Variants in VWA3B observed in about 807,000 individuals in gnomAD.
The protein encoded by VWA3B is von Willebrand factor A domain-containing protein 3B.
A neutral mutation model predicts 158.3 loss-of-function variants in VWA3B; 138 were observed. The observed-to-expected ratio is 0.87, with a 90% CI of 0.76 to 1.00. The LOEUF (loss-of-function observed/expected upper bound fraction) is 1.00. Among genes scored for constraint, VWA3B ranks in the 50% least tolerant of loss-of-function variants. The pLI, the probability that VWA3B is intolerant of heterozygous loss-of-function variation, is 0.00. For synonymous variants in VWA3B, 596 were observed against 587.3 expected, an observed-to-expected ratio of 1.01 and a Z score of -0.21; for missense variants, 1,555 against 1,565.1, an observed-to-expected ratio of 0.99 and a Z score of 0.11.
At chr2:98,239,114 G>A (rs184525264) in intron 19 of VWA3B, among the ~76,000 whole-genome samples, 2 of 152,154 alleles carry the variant, frequency 1.3e-5, no homozygotes, top group Non-Finnish European at 2.9e-5. Flanking sequence ...CATCCTTAGT[G>A]TAAAATGTTC....
chr2:98,243,868 A>G (rs1054358024), intron 19 of VWA3B, among the ~76,000 whole-genome samples: 2 of 152,174 alleles, frequency 1.3e-5, no homozygotes, highest in African/African-American at 4.8e-5. Context: ...TTACATTTCC[A>G]TTACACACAT....
chr2:98,266,105 A>G (rs1687808565), intron 21 of VWA3B, among the ~76,000 whole-genome samples: 1 of 149,736 alleles, frequency 6.7e-6, no homozygotes, highest in Non-Finnish European at 1.5e-5. Flanking sequence ...TGTTTTAGAC[A>G]TGAAGTCCTT....
At chr2:98,236,782 C>A (rs1227875426) in intron 19 of VWA3B, 52 bp downstream of exon 19, 1 of 1,557,696 alleles carries the variant, frequency 6.4e-7, no homozygotes, top group Non-Finnish European at 8.7e-7. Flanking sequence ...ATTTTCTGCT[C>A]AAATAAAAAG....
chr2:98,167,593 C>A (rs995729393), intron 8 of VWA3B, among the ~76,000 whole-genome samples: 1 of 152,134 alleles, frequency 6.6e-6, no homozygotes, highest in Non-Finnish European at 1.5e-5. Flanking sequence ...TCTGGAGGGA[C>A]CAAGGCAGCT....
At chr2:98,273,000 T>C (rs1023002976) in intron 22 of VWA3B, among the ~76,000 whole-genome samples, 2 of 152,212 alleles carry the variant, frequency 1.3e-5, no homozygotes, top group South Asian at 2.1e-4. Context: ...TCCCAGCTTC[T>C]AGAACAGTGA....
rs151084589 is a variant in VWA3B at position 98,221,245 on chromosome 2, A to G, written c.2019+3217A>G. The stretch of plus-strand genomic sequence containing the variant: ...TATATCCCAGACAGGGCACTGCAGA[A>G]GCCTCTCCAACCTGGGATCTCCAAC... On this transcript the variant is annotated intron_variant, in intron 14 of 27. Transcript: ENST00000477737. 6.3e-3 allele frequency among the ~76,000 whole-genome samples: 956 copies of G among 152,292 alleles called. 5 individuals are homozygous for G. The highest frequency in any genetic ancestry group is 8.2e-3 in the Non-Finnish European group (558 of 68,022).
intron 8 of VWA3B, among the ~76,000 whole-genome samples, chr2:98,173,013 GT>G (rs1464979621): frequency 6.6e-6 from 1 of 152,162 alleles, no homozygotes; most frequent in Non-Finnish European, 1.5e-5. Flanking sequence ...TATCATCTGA[GT>G]TTTCTGTTCT....
chr2:98,178,781 A>G (rs1277299853), intron 8 of VWA3B, among the ~76,000 whole-genome samples: 1 of 152,186 alleles, frequency 6.6e-6, no homozygotes, highest in Non-Finnish European at 1.5e-5. Context: ...CTCAGGCATC[A>G]GTATTTTTTT....
chr2:98,105,422 T>C (rs1398493461), intron 2 of VWA3B, among the ~76,000 whole-genome samples: 2 of 152,226 alleles, frequency 1.3e-5, no homozygotes, highest in Admixed American at 6.5e-5. Flanking sequence ...TGCAAGTCTA[T>C]ATAATTTTAT....
At chr2:98,324,723 A>T in the VWA3B span, among the ~76,000 whole-genome samples, 3 of 152,218 alleles carry the variant, frequency 2.0e-5, no homozygotes. Context: ...GTGATCTCCC[A>T]GTTTCCAAAG....
chr2:98,216,612 A>G (rs1295260520), intron 13 of VWA3B: 1 of 433,230 alleles, frequency 2.3e-6, no homozygotes, highest in African/African-American at 2.0e-5. Flanking sequence ...ATGTGTGTGG[A>G]GCCCTGGCTG....
chr2:98,320,257 G>A, the VWA3B span, among the ~76,000 whole-genome samples: 10 of 152,236 alleles, frequency 6.6e-5, no homozygotes, highest in East Asian at 1.2e-3. Flanking sequence ...ACCTTCCACC[G>A]TGATTGTGAG....
intron 8 of VWA3B, among the ~76,000 whole-genome samples, chr2:98,173,706 G>A (rs571849431): frequency 1.3e-5 from 2 of 152,164 alleles, no homozygotes; most frequent in African/African-American, 2.4e-5. Context: ...AGTGGCTCAC[G>A]CCTGTAATCC....
chr2:98,236,798 C>A, intron 19 of VWA3B, 68 bp downstream of exon 19: 1 of 1,538,276 alleles, frequency 6.5e-7, no homozygotes, highest in South Asian at 1.2e-5. Context: ...AAAAGTAGTC[C>A]AATTTCTTGT....
intron 7 of VWA3B, among the ~76,000 whole-genome samples, chr2:98,147,779 C>T (rs1305575403): frequency 4.0e-5 from 6 of 150,576 alleles, no homozygotes; most frequent in Admixed American, 6.7e-5. Flanking sequence ...TATACATGTG[C>T]CATGTTGGTG....
intron 19 of VWA3B, among the ~76,000 whole-genome samples, chr2:98,246,507 A>G (rs966508208): frequency 6.6e-6 from 1 of 152,048 alleles, no homozygotes; most frequent in Non-Finnish European, 1.5e-5. Context: ...CCTCCCAGGC[A>G]GCTGGGATTA....
intron 2 of VWA3B, among the ~76,000 whole-genome samples, chr2:98,106,688 G>A (rs748085196): frequency 6.6e-5 from 10 of 151,918 alleles, no homozygotes; most frequent in Non-Finnish European, 1.5e-4. Flanking sequence ...GTTTTCACAT[G>A]TTCATTCCTA....
At chr2:98,174,858 T>A (rs1033480555) in intron 8 of VWA3B, among the ~76,000 whole-genome samples, 1 of 152,202 alleles carries the variant, frequency 6.6e-6, no homozygotes, top group Non-Finnish European at 1.5e-5. Context: ...TGTGGCCTGA[T>A]ACACACACAG....
intron 8 of VWA3B, among the ~76,000 whole-genome samples, chr2:98,178,200 G>A (rs1373027984): frequency 6.6e-6 from 1 of 152,152 alleles, no homozygotes; most frequent in South Asian, 2.1e-4. Context: ...CCTCTGGCTT[G>A]AGCTCCCGGA....
Sources: gnomAD v4.1 joint callset for allele counts (sites outside exome capture counted in the v4.1 genomes callset) on GRCh38, gnomAD v4.1.1 for gene constraint, MANE v1.5 for transcripts, NCBI Gene and HGNC (gene_info 2026-07-23, HGNC 2026-07-21) for gene names.